CRCP: variants seen among roughly 807,000 people sequenced by gnomAD.
CRCP encodes CGRP receptor component.
A neutral mutation model predicts 18.5 loss-of-function variants in CRCP; 18 were observed. That is an observed-to-expected ratio of 0.97 (90% CI 0.67 to 1.44). The LOEUF (loss-of-function observed/expected upper bound fraction) is 1.44. Ranked by LOEUF, CRCP falls within the 40% of genes most tolerant of loss-of-function variation. CRCP has a pLI of 0.00. For synonymous variants in CRCP, 53 were observed against 62.9 expected (o/e 0.84, Z 0.75); for missense variants, 130 against 176.4 (o/e 0.74, Z 1.49).
intron 2 of CRCP, among the ~76,000 whole-genome samples, chr7:66,128,514 G>A (rs181472927): frequency 1.0e-3 from 155 of 152,200 alleles, no homozygotes; most frequent in African/African-American, 3.6e-3. Flanking sequence ...AGTTTAAGCC[G>A]AGCACAGTGG....
At chr7:66,123,473 G>A (rs1474663677) in intron 1 of CRCP, among the ~76,000 whole-genome samples, 3 of 152,108 alleles carry the variant, frequency 2.0e-5, no homozygotes, top group Non-Finnish European at 4.4e-5. Flanking sequence ...TAGATGCCTG[G>A]TATGGTGGCT....
At chr7:66,122,211 T>C (rs1484815056) in intron 1 of CRCP, among the ~76,000 whole-genome samples, 1 of 151,894 alleles carries the variant, frequency 6.6e-6, no homozygotes, top group Non-Finnish European at 1.5e-5. Flanking sequence ...CCATCTCTAC[T>C]AAAAATACAA....
intron 5 of CRCP, among the ~76,000 whole-genome samples, chr7:66,151,755 T>C (rs1299565911): frequency 5.6e-5 from 8 of 142,536 alleles, no homozygotes; most frequent in South Asian, 2.2e-4. Context: ...TTCTTTTCTT[T>C]TTTTTTTTTT....
At chr7:66,136,390 C>A (rs1189836770) in intron 4 of CRCP, among the ~76,000 whole-genome samples, 3 of 152,144 alleles carry the variant, frequency 2.0e-5, no homozygotes, top group African/African-American at 7.2e-5. Context: ...GCCACCACAC[C>A]TGGCTAGTTT....
intron 1 of CRCP, among the ~76,000 whole-genome samples, chr7:66,127,118 C>G (rs1224597373): frequency 3.3e-5 from 5 of 152,222 alleles, no homozygotes; most frequent in African/African-American, 1.2e-4. Flanking sequence ...TCCACTGCCT[C>G]CAGACTGCTG....
At chr7:66,137,513 C>G (rs1451213768) in intron 4 of CRCP, among the ~76,000 whole-genome samples, 1 of 152,206 alleles carries the variant, frequency 6.6e-6, no homozygotes. Flanking sequence ...AGCAGACATC[C>G]TCATCTTGTC....
chr7:66,127,811 G>T lies in CRCP; in HGVS notation c.45+71G>T, dbSNP rs554395591. On this transcript the variant is annotated intron_variant, in intron 2 of 5. Coordinates refer to ENST00000395326, the MANE Select transcript of CRCP (RefSeq NM_014478.5). ...CTCCTGAGATTGTTAAATTGATTTT[G>T]GTTAGAAATGACTGAATTCAGGCTG... 23 of 1,543,686 alleles carry T rather than the reference G, an allele frequency of 1.5e-5. No individual in the cohort carries two copies. The African/African-American group carries it at 3.1e-4, about 21-fold the overall frequency.
rs561927029 is a variant in CRCP at position 66,153,005 on chromosome 7, A to C, written c.*648A>C. The stretch of plus-strand genomic sequence containing the variant: ...AAACGGGCACTCCAGGCTTAGTGAC[A>C]GTGGCAGCAGAAACAGTGTTGGCTG... On this transcript the variant is annotated 3_prime_UTR_variant, in exon 6 of 6. Coordinates refer to ENST00000395326, the MANE Select transcript of CRCP (RefSeq NM_014478.5). The C allele has an allele frequency of 6.5e-6, 1 of 152,838 alleles. No homozygotes were observed. The highest frequency in any genetic ancestry group is 1.9e-4 in the East Asian group (1 of 5,176). The allele number at this position is 152,838 out of a possible 1,614,324, so 9.5% of individuals were successfully genotyped here.
At chr7:66,147,595 G>A (rs973226194) in intron 5 of CRCP, among the ~76,000 whole-genome samples, 1 of 152,144 alleles carries the variant, frequency 6.6e-6, no homozygotes, top group Admixed American at 6.6e-5. Flanking sequence ...CCCTGAGATG[G>A]TTTCCTTCTC....
chr7:66,131,817 G>A (rs1357865640), intron 3 of CRCP, among the ~76,000 whole-genome samples: 1 of 151,352 alleles, frequency 6.6e-6, no homozygotes, highest in African/African-American at 2.4e-5. Context: ...GCCTAGGCTG[G>A]AGTGCCATGG....
rs572051302 is a variant in CRCP, at chr7:66,134,300, A to C, written c.165A>C (p.Lys55Asn). The change falls in exon 4 of 6, where the codon AAA becomes AAC. Residue 55 changes from lysine to asparagine, a missense_variant. Physicochemically the swap from Lys to Asn is moderately conservative, Grantham distance 94. Coordinates refer to ENST00000395326, the MANE Select transcript of CRCP (RefSeq NM_014478.5). The stretch of plus-strand genomic sequence containing the variant: ...GCCAGACGTTAAAATACATATCAAA[A>C]ACACCATGCAGGCACCAGAGTCCTG... ...ITYETLKYISKTPCRHQSPEI... is the reference protein window; with the variant it reads ...ITYETLKYISNTPCRHQSPEI... The C allele has an allele frequency of 6.9e-6, 11 of 1,605,506 alleles. No homozygotes were observed. The East Asian group carries it at 2.5e-4, about 36-fold the overall frequency.
At chr7:66,122,897 C>T (rs1188612702) in intron 1 of CRCP, among the ~76,000 whole-genome samples, 1 of 151,656 alleles carries the variant, frequency 6.6e-6, no homozygotes, top group East Asian at 1.9e-4. Flanking sequence ...TTAAAATGCA[C>T]TTAGAGTATT....
intron 3 of CRCP, among the ~76,000 whole-genome samples, chr7:66,132,515 T>C (rs1055778951): frequency 6.6e-6 from 1 of 152,172 alleles, no homozygotes; most frequent in Non-Finnish European, 1.5e-5. Context: ...GTACATGATA[T>C]TGATGTTTCT....
chr7:66,129,250 G>A (rs959101583), intron 2 of CRCP, among the ~76,000 whole-genome samples: 5 of 152,120 alleles, frequency 3.3e-5, no homozygotes, highest in Admixed American at 6.6e-5. Context: ...GGAGAATGGC[G>A]TGAACCCGGG....
intron 1 of CRCP, among the ~76,000 whole-genome samples, chr7:66,124,909 G>GT (rs2115893999): frequency 1.3e-5 from 2 of 149,310 alleles, no homozygotes; most frequent in East Asian, 4.0e-4. Context: ...TGCCATAATA[G>GT]TGTTCTTTTT....
At chr7:66,151,397 G>A (rs1176930325) in intron 5 of CRCP, among the ~76,000 whole-genome samples, 4 of 152,026 alleles carry the variant, frequency 2.6e-5, no homozygotes, top group Non-Finnish European at 5.9e-5. Context: ...GTGAAACCCC[G>A]TCTCTACGAA....
intron 3 of CRCP, among the ~76,000 whole-genome samples, chr7:66,134,021 G>C (rs1189504306): frequency 6.6e-6 from 1 of 151,596 alleles, no homozygotes; most frequent in Non-Finnish European, 1.5e-5. Context: ...TCCACACCCA[G>C]CTAATTTTTT....
At chr7:66,127,670 C>T in intron 1 of CRCP, 34 bp from the exon 2 acceptor site, 2 of 1,613,206 alleles carry the variant, frequency 1.2e-6, no homozygotes, top group Non-Finnish European at 1.7e-6. Flanking sequence ...GGGGTGTGAG[C>T]CCAGACTGAT....
intron 3 of CRCP, among the ~76,000 whole-genome samples, chr7:66,132,300 G>A (rs1418432953): frequency 6.6e-6 from 1 of 152,150 alleles, no homozygotes; most frequent in African/African-American, 2.4e-5. Flanking sequence ...TAGTTAACAT[G>A]TCCCCATAAT....
Sources: gnomAD v4.1 joint callset for allele counts (sites outside exome capture counted in the v4.1 genomes callset) on GRCh38, gnomAD v4.1.1 for gene constraint, MANE v1.5 for transcripts, NCBI Gene and HGNC (gene_info 2026-07-23, HGNC 2026-07-21) for gene names.